DENND1A: variants seen among roughly 807,000 people sequenced by gnomAD.
DENND1A encodes the protein DENN domain containing 1A, also known as DENN domain-containing protein 1A.
In DENND1A, 51 loss-of-function variants were observed where a neutral mutation model predicts 113.7. The observed-to-expected ratio is 0.45, with a 90% CI of 0.36 to 0.57. DENND1A has a LOEUF of 0.57. Ranked by LOEUF, DENND1A falls within the 20% of genes least tolerant of loss-of-function variation. The probability of loss-of-function intolerance (pLI) is 0.00; values close to 1 mark genes in which losing one functional copy is unlikely to be tolerated. For missense variants in DENND1A, 1,258 were observed against 1,395.9 expected (o/e 0.90, Z 1.57); for synonymous variants, 565 against 570.8 (o/e 0.99, Z 0.14).
At chr9:123,874,019 G>A (rs948482896) in intron 2 of DENND1A, among the ~76,000 whole-genome samples, 6 of 152,040 alleles carry the variant, frequency 3.9e-5, no homozygotes, top group Non-Finnish European at 8.8e-5. Context: ...GGGATTACAG[G>A]CGTAAGCCAC....
At chr9:123,639,508 C>T (rs2061911720) in intron 9 of DENND1A, among the ~76,000 whole-genome samples, 1 of 145,150 alleles carries the variant, frequency 6.9e-6, no homozygotes, top group African/African-American at 2.6e-5. Context: ...AAAACAGCCA[C>T]ACTCACGCCT....
At chr9:123,818,187 C>T (rs1489038433) in intron 2 of DENND1A, among the ~76,000 whole-genome samples, 1 of 151,878 alleles carries the variant, frequency 6.6e-6, no homozygotes, top group Non-Finnish European at 1.5e-5. Context: ...TCACTGCAAG[C>T]TCCGCCTCCC....
At chr9:123,839,450 T>C (rs1205427113) in intron 2 of DENND1A, among the ~76,000 whole-genome samples, 3 of 152,110 alleles carry the variant, frequency 2.0e-5, no homozygotes, top group Admixed American at 1.3e-4. Context: ...TAAACACATT[T>C]AAAAAACAGG....
intron 6 of DENND1A, among the ~76,000 whole-genome samples, chr9:123,671,915 A>C (rs569857230): frequency 6.6e-6 from 1 of 152,376 alleles, no homozygotes; most frequent in South Asian, 2.1e-4. Context: ...ATGATGACAT[A>C]CAAAGCAATG....
intron 13 of DENND1A, among the ~76,000 whole-genome samples, chr9:123,538,790 C>G (rs1385372528): frequency 1.8e-5 from 1 of 55,350 alleles, no homozygotes; most frequent in Admixed American, 2.0e-4. Flanking sequence ...GTGTATGAAT[C>G]CAAAGGTGAC....
rs36033303 is a variant in DENND1A at position 123,674,342 on chromosome 9, T to TCTCTCA, written c.372+2377_372+2378insTGAGAG. Among the ~76,000 whole-genome samples, 438 of 132,344 alleles carry TCTCTCA rather than the reference T, an allele frequency of 3.3e-3. 1 individual carries two copies. The highest frequency in any genetic ancestry group is 6.9e-3 in the East Asian group (30 of 4,346). 86.8% of individuals were successfully genotyped at this position (132,344 alleles called of 152,430 possible). A position where few individuals can be genotyped will look rare whatever the true frequency, so the allele number is the denominator to read the frequency against. ...CTCTGTCTCTGTCTCTGTCTCTCTCTCACACACACACACACACACACACAC... is the reference window on the plus strand; with the variant it reads ...CTCTGTCTCTGTCTCTGTCTCTCTCTCTCTCACACACACACACACACACACACACAC... On this transcript the variant is annotated intron_variant, in intron 6 of 23. Coordinates refer to ENST00000394215, the MANE Select transcript of DENND1A (RefSeq NM_001352964.2).
chr9:123,735,398 A>AT (rs1406820993), intron 5 of DENND1A, among the ~76,000 whole-genome samples: 2 of 152,216 alleles, frequency 1.3e-5, no homozygotes, highest in African/African-American at 2.4e-5. Flanking sequence ...TAAGAAGATC[A>AT]TAAGTGGGCA....
chr9:123,740,147 T>G (rs1014691304), intron 5 of DENND1A, among the ~76,000 whole-genome samples: 1 of 152,140 alleles, frequency 6.6e-6, no homozygotes, highest in Non-Finnish European at 1.5e-5. Flanking sequence ...CAACCCTGCA[T>G]GTCCTGTGCA....
At chr9:123,664,624 A>T (rs2063407069) in intron 8 of DENND1A, among the ~76,000 whole-genome samples, 1 of 152,092 alleles carries the variant, frequency 6.6e-6, no homozygotes, top group Non-Finnish European at 1.5e-5. Flanking sequence ...TCCCTAAGGC[A>T]CTTGTTTAGT....
rs117851925 is a variant in DENND1A, at chr9:123,404,486, G to A, written c.1543-996C>T. On this transcript the variant is annotated intron_variant, in intron 20 of 23. Coordinates refer to ENST00000394215, the MANE Select transcript of DENND1A (RefSeq NM_001352964.2). ...GGGGCAGGGGGCTTGCTTTCTCCACGGATGGGATGCCACAACTGCTGAGTT... is the reference window on the plus strand; with the variant it reads ...GGGGCAGGGGGCTTGCTTTCTCCACAGATGGGATGCCACAACTGCTGAGTT... 6.4e-3 allele frequency among the ~76,000 whole-genome samples: 975 copies of A among 152,348 alleles called. 14 individuals are homozygous for A. Among genetic ancestry groups the A allele is most frequent in the Admixed American group, 0.029 (438 of 15,294 alleles).
chr9:123,527,986 G>A (rs930804428), intron 13 of DENND1A, among the ~76,000 whole-genome samples: 2 of 152,068 alleles, frequency 1.3e-5, no homozygotes, highest in African/African-American at 4.8e-5. Flanking sequence ...GATGACATGT[G>A]AACGCACCTG....
At chr9:123,545,687 T>C (rs1389463841) in intron 13 of DENND1A, among the ~76,000 whole-genome samples, 1 of 152,094 alleles carries the variant, frequency 6.6e-6, no homozygotes, top group Non-Finnish European at 1.5e-5. Context: ...CAGGATGGTC[T>C]TGATCTCCTG....
At chr9:123,528,314 T>C (rs1174826454) in intron 13 of DENND1A, among the ~76,000 whole-genome samples, 2 of 152,232 alleles carry the variant, frequency 1.3e-5, no homozygotes, top group African/African-American at 2.4e-5. Context: ...GGGCAGCTTC[T>C]CCAGTATACT....
At chr9:123,403,157 G>T (rs2043633330) in intron 21 of DENND1A, among the ~76,000 whole-genome samples, 1 of 152,290 alleles carries the variant, frequency 6.6e-6, no homozygotes, top group Admixed American at 6.5e-5. Flanking sequence ...AGTATGCTTT[G>T]GACCCCACCC....
rs182985609 is a variant in DENND1A, at chr9:123,675,784, T to G, written c.372+936A>C. Among the ~76,000 whole-genome samples, 9 of 152,320 alleles carry G rather than the reference T, an allele frequency of 5.9e-5. No individual in the cohort carries two copies. In the East Asian group the frequency reaches 1.5e-3, roughly 26 times the overall value. On this transcript the variant is annotated intron_variant, in intron 6 of 23. Transcript: ENST00000394215. ...TACATTGCTGGTAAAGGGTATCCTT[T>G]AAGAAAACAGCAGAATTATTTTGGA...
intron 2 of DENND1A, among the ~76,000 whole-genome samples, chr9:123,859,651 G>C (rs973975092): frequency 2.6e-5 from 4 of 151,896 alleles, no homozygotes; most frequent in African/African-American, 9.7e-5. Context: ...TTAAATAAAA[G>C]AACATGGGAA....
intron 13 of DENND1A, chr9:123,462,035 G>A (rs1438456424): frequency 6.6e-6 from 1 of 152,224 alleles, no homozygotes; most frequent in African/African-American, 2.4e-5. Flanking sequence ...CTGGAAGGGT[G>A]AATAGGACTT....
chr9:123,585,304 C>T (rs1156298253), intron 11 of DENND1A, among the ~76,000 whole-genome samples: 1 of 152,218 alleles, frequency 6.6e-6, no homozygotes, highest in East Asian at 1.9e-4. Flanking sequence ...TTATTCTTTC[C>T]TCCAAACCCC....
chr9:123,663,133 A>C (rs2063328425), intron 8 of DENND1A, among the ~76,000 whole-genome samples: 1 of 152,216 alleles, frequency 6.6e-6, no homozygotes, highest in Non-Finnish European at 1.5e-5. Context: ...TAAGAGTAAA[A>C]ATACCACTAA....
Sources: allele counts gnomAD v4.1 joint callset (sites outside exome capture counted in the v4.1 genomes callset), GRCh38; gene constraint gnomAD v4.1.1; transcripts MANE v1.5; gene names NCBI Gene and HGNC (gene_info 2026-07-23, HGNC 2026-07-21).